Variants in N4BP1 observed in about 807,000 individuals in gnomAD.
N4BP1 encodes NEDD4 binding protein 1, also known as NEDD4-binding protein 1.
In N4BP1, 21 loss-of-function variants were observed where a neutral mutation model predicts 70.9. That is an observed-to-expected ratio of 0.30 (90% CI 0.21 to 0.43). The LOEUF (loss-of-function observed/expected upper bound fraction) is 0.43, where lower values mean the gene tolerates loss of function less well. N4BP1 is among the 20% of genes least tolerant of loss of function. The pLI, the probability that N4BP1 is intolerant of heterozygous loss-of-function variation, is 1.00. For synonymous variants in N4BP1, 387 were observed against 394.6 expected (o/e 0.98, Z 0.23); for missense variants, 936 against 1,069.4 (o/e 0.88, Z 1.74).
At chr16:48,560,083 C>G (rs1203654694) in intron 2 of N4BP1, among the ~76,000 whole-genome samples, 1 of 145,478 alleles carries the variant, frequency 6.9e-6, no homozygotes, top group East Asian at 2.0e-4. Flanking sequence ...TCCTTAGCCA[C>G]GATCTTAAAC....
chr16:48,569,227 G>A (rs949587344), intron 1 of N4BP1, among the ~76,000 whole-genome samples: 2 of 152,158 alleles, frequency 1.3e-5, no homozygotes, highest in African/African-American at 4.8e-5. Context: ...TTTGAACAAT[G>A]CAAAATTACG....
chr16:48,579,155 T>C (rs1055830149), intron 1 of N4BP1, among the ~76,000 whole-genome samples: 9 of 152,118 alleles, frequency 5.9e-5, no homozygotes, highest in African/African-American at 2.2e-4. Flanking sequence ...CTGTCCAAAA[T>C]GTCAGATGAG....
chr16:48,595,650 T>C (rs1341831058), intron 1 of N4BP1, among the ~76,000 whole-genome samples: 1 of 152,174 alleles, frequency 6.6e-6, no homozygotes, highest in Admixed American at 6.5e-5. Context: ...GCAATAAGAA[T>C]GTTTTCTTTT....
chr16:48,544,987 C>CA (rs1445508333), intron 6 of N4BP1, among the ~76,000 whole-genome samples: 1 of 152,048 alleles, frequency 6.6e-6, no homozygotes, highest in East Asian at 1.9e-4. Flanking sequence ...GTTTTTGAGA[C>CA]AGAGTCTTGC....
intron 1 of N4BP1, among the ~76,000 whole-genome samples, chr16:48,608,079 A>C (rs779917323): frequency 1.2e-4 from 18 of 152,204 alleles, no homozygotes; most frequent in Non-Finnish European, 2.6e-4. Flanking sequence ...TGGGTGACAG[A>C]GTGAGACCCT....
At chr16:48,556,349 C>A (rs1828257480) in intron 2 of N4BP1, among the ~76,000 whole-genome samples, 1 of 152,162 alleles carries the variant, frequency 6.6e-6, no homozygotes, top group Non-Finnish European at 1.5e-5. Flanking sequence ...AAGTCCTATA[C>A]CCTGAGCAGG....
chr16:48,573,685 T>C (rs903658116), intron 1 of N4BP1, among the ~76,000 whole-genome samples: 11 of 152,114 alleles, frequency 7.2e-5, no homozygotes, highest in Admixed American at 1.3e-4. Context: ...CCCAACACAA[T>C]TGAAAATTCA....
chr16:48,546,365 C>T (rs1010943235), intron 5 of N4BP1, 111 bp from the exon 6 acceptor site: 13 of 663,582 alleles, frequency 2.0e-5, no homozygotes, highest in Non-Finnish European at 2.5e-6. Flanking sequence ...GGTCAGCCTA[C>T]AAATCCTAAG....
chr16:48,550,468 T>C (rs1399033078), intron 4 of N4BP1, among the ~76,000 whole-genome samples: 1 of 151,906 alleles, frequency 6.6e-6, no homozygotes. Flanking sequence ...TGAGCCAAGA[T>C]TGTACCATTG....
At chr16:48,599,669 T>A (rs1339582220) in intron 1 of N4BP1, among the ~76,000 whole-genome samples, 1 of 152,238 alleles carries the variant, frequency 6.6e-6, no homozygotes, top group Non-Finnish European at 1.5e-5. Context: ...AATAATGTAA[T>A]CCATATTTTG....
At position 48,598,625 on chromosome 16, in the gene N4BP1, T is replaced by A. The variant is rs572639748; in HGVS notation, c.198+11150A>T. ...TCTTGGTCCCTCAATTTGCCCCACA[T>A]TGGAGAAATTTAAAGTCAGAAGGCA... On this transcript the variant is annotated intron_variant, in intron 1 of 6. Transcript: ENST00000262384. Among the ~76,000 whole-genome samples, 11 of 152,202 alleles carry A rather than the reference T, an allele frequency of 7.2e-5. No homozygotes were observed. In the South Asian group the frequency reaches 2.3e-3, roughly 32 times the overall value.
chr16:48,545,296 G>A (rs555325369), intron 6 of N4BP1, among the ~76,000 whole-genome samples: 6 of 150,818 alleles, frequency 4.0e-5, no homozygotes, highest in Admixed American at 1.3e-4. Flanking sequence ...AAGGCTGGGC[G>A]CAGTGGCTCA....
At chr16:48,578,919 A>G (rs1964137792) in intron 1 of N4BP1, among the ~76,000 whole-genome samples, 1 of 152,182 alleles carries the variant, frequency 6.6e-6, no homozygotes, top group Non-Finnish European at 1.5e-5. Flanking sequence ...TTGTAAATGT[A>G]TTATATTAAG....
chr16:48,553,946 G>C (rs1243347077), intron 2 of N4BP1, among the ~76,000 whole-genome samples: 1 of 152,132 alleles, frequency 6.6e-6, no homozygotes. Context: ...GGTAATACTT[G>C]TTCCCTGTGA....
At chr16:48,572,782 T>C (rs1964037400) in intron 1 of N4BP1, among the ~76,000 whole-genome samples, 1 of 151,952 alleles carries the variant, frequency 6.6e-6, no homozygotes, top group South Asian at 2.1e-4. Flanking sequence ...TTATAAAGTA[T>C]TAAGGGTAGA....
At chr16:48,547,257 T>C (rs926708698) in intron 5 of N4BP1, among the ~76,000 whole-genome samples, 1 of 152,224 alleles carries the variant, frequency 6.6e-6, no homozygotes, top group Non-Finnish European at 1.5e-5. Flanking sequence ...CTTTATGTTT[T>C]AAGATTTCTG....
At chr16:48,605,232 A>G (rs1298764336) in intron 1 of N4BP1, among the ~76,000 whole-genome samples, 1 of 151,976 alleles carries the variant, frequency 6.6e-6, no homozygotes, top group Non-Finnish European at 1.5e-5. Flanking sequence ...GGGTTTCTCC[A>G]TGTTGGTGGG....
intron 4 of N4BP1, among the ~76,000 whole-genome samples, chr16:48,551,065 G>A (rs1307137803): frequency 6.6e-6 from 1 of 152,156 alleles, no homozygotes; most frequent in Admixed American, 6.5e-5. Context: ...AGACTGAGAG[G>A]AGATAATATT....
At chr16:48,575,661 G>A (rs1411509884) in intron 1 of N4BP1, among the ~76,000 whole-genome samples, 2 of 152,116 alleles carry the variant, frequency 1.3e-5, no homozygotes, top group South Asian at 2.1e-4. Flanking sequence ...AAAGGGGCTC[G>A]GCCAGCTTCA....
Sources: allele counts gnomAD v4.1 joint callset (sites outside exome capture counted in the v4.1 genomes callset), GRCh38; gene constraint gnomAD v4.1.1; transcripts MANE v1.5; gene names NCBI Gene and HGNC (gene_info 2026-07-23, HGNC 2026-07-21).